The following TG variants were observed in gnomAD, a reference collection of about 807,000 sequenced individuals.
TG encodes the protein thyroglobulin, also known as thyroid hormones.
Under a neutral mutation model 324.7 loss-of-function variants are expected in TG, and 270 were observed. That is an observed-to-expected ratio of 0.83 (90% CI 0.75 to 0.92). The LOEUF (loss-of-function observed/expected upper bound fraction) is 0.92, where lower values mean the gene tolerates loss of function less well. TG is among the 40% of genes least tolerant of loss of function. TG has a pLI of 0.00. For missense variants in TG, 3,591 were observed against 3,456.4 expected (o/e 1.04, Z -0.98); for synonymous variants, 1,401 against 1,327.0 (o/e 1.06, Z -1.21).
intron 41 of TG, among the ~76,000 whole-genome samples, chr8:133,055,445 A>C (rs1054929276): frequency 6.6e-6 from 1 of 151,908 alleles, no homozygotes; most frequent in African/African-American, 2.4e-5. Flanking sequence ...ACAGAGCTGG[A>C]CCATCTAGCC....
chr8:133,088,741 G>C (rs59047695), intron 41 of TG, among the ~76,000 whole-genome samples: 5,502 of 152,248 alleles, frequency 0.036, 339 homozygotes, highest in African/African-American at 0.13. Context: ...TATACCAACA[G>C]GTAGTTTTGA....
intron 35 of TG, among the ~76,000 whole-genome samples, chr8:133,000,745 G>A (rs553337857): frequency 6.6e-6 from 1 of 152,344 alleles, no homozygotes; most frequent in East Asian, 1.9e-4. Flanking sequence ...TCAGTATGAT[G>A]AGCATTTTAT....
intron 11 of TG, 94 bp from the exon 12 acceptor site, chr8:132,897,555 T>C: frequency 6.5e-7 from 1 of 1,544,334 alleles, no homozygotes; most frequent in East Asian, 2.2e-5. Flanking sequence ...AAGGCCTCCT[T>C]ATGTTGGAAC....
At chr8:132,925,621 A>T (rs1403047419) in intron 22 of TG, among the ~76,000 whole-genome samples, 1 of 151,928 alleles carries the variant, frequency 6.6e-6, no homozygotes, top group African/African-American at 2.4e-5. Context: ...TGGGCAGAAA[A>T]AAACAGGGGA....
chr8:132,981,112 G>T (rs755326592), intron 34 of TG, among the ~76,000 whole-genome samples: 3 of 152,184 alleles, frequency 2.0e-5, no homozygotes, highest in South Asian at 2.1e-4. Context: ...AATAAAGAAG[G>T]TCCCACGCAA....
Position 132,908,227 on chromosome 8 carries a change from C to G in TG, c.3889C>G (p.Gln1297Glu). ...GACCATCCAGACCCAAGGGCACTTT[C>G]AGCTCCAGCTCCCGCCGGGCAAGAT... is the stretch of plus-strand genomic sequence containing the variant. ...WQTIQTQGHFQLQLPPGKMCS... is the reference protein window; with the variant it reads ...WQTIQTQGHFELQLPPGKMCS... The change falls in exon 18 of 48, where the codon CAG becomes GAG. Residue 1297 changes from glutamine (Q) to glutamate (E), a missense_variant. Gln to Glu is a conservative substitution (Grantham distance 29). Coordinates refer to ENST00000220616, the MANE Select transcript of TG (RefSeq NM_003235.5). 6.2e-7 allele frequency: 1 copy of G among 1,614,040 alleles called. No individual in the cohort carries two copies. The highest frequency in any genetic ancestry group is 8.5e-7 in the Non-Finnish European group (1 of 1,180,006).
intron 35 of TG, chr8:132,994,812 G>A: frequency 5.4e-6 from 7 of 1,286,698 alleles, no homozygotes; most frequent in Non-Finnish European, 7.1e-6. Flanking sequence ...AAGGTGAGAT[G>A]GGGAAAGAGG....
intron 45 of TG, among the ~76,000 whole-genome samples, chr8:133,121,158 T>C (rs961831844): frequency 9.2e-5 from 14 of 152,174 alleles, no homozygotes; most frequent in African/African-American, 3.1e-4. Context: ...TAGTAGGTGC[T>C]CAGGAAATCA....
intron 25 of TG, among the ~76,000 whole-genome samples, chr8:132,938,292 C>A (rs145050620): frequency 6.6e-6 from 1 of 152,120 alleles, no homozygotes; most frequent in South Asian, 2.1e-4. Context: ...CACCCAATAC[C>A]CTCTGCTGCC....
chr8:133,008,389 T>G (rs1287336017), intron 35 of TG, among the ~76,000 whole-genome samples: 1 of 152,090 alleles, frequency 6.6e-6, no homozygotes, highest in Non-Finnish European at 1.5e-5. Flanking sequence ...CCAAAACAAA[T>G]TCACTTACAG....
intron 31 of TG, among the ~76,000 whole-genome samples, chr8:132,968,601 C>T (rs974705384): frequency 1.3e-5 from 2 of 152,152 alleles, no homozygotes; most frequent in Non-Finnish European, 2.9e-5. Context: ...TCCAGTGACC[C>T]TTATTTTTCC....
chr8:133,078,679 G>A (rs1845271156), intron 41 of TG, among the ~76,000 whole-genome samples: 2 of 152,174 alleles, frequency 1.3e-5, no homozygotes, highest in African/African-American at 2.4e-5. Context: ...TACCCTCAAG[G>A]AGTTCAAAGC....
chr8:132,937,999 G>T (rs1213886952), intron 25 of TG, among the ~76,000 whole-genome samples: 2 of 152,158 alleles, frequency 1.3e-5, no homozygotes, highest in African/African-American at 2.4e-5. Context: ...AGTGGAGGAG[G>T]AGGGGAGGAG....
chr8:132,972,477 AGTGGTGTATCCCAAAT>A, intron 33 of TG, 105 bp from the exon 34 acceptor site: 2 of 1,132,736 alleles, frequency 1.8e-6, no homozygotes, highest in Non-Finnish European at 2.5e-6. Context: ...TCTGAAATAT[AGTGGTGTATCCCAAAT>A]GTCTGCTGAA....
Position 133,134,723 on chromosome 8 carries a change from A to G in TG, c.8236A>G (p.Thr2746Ala), listed in dbSNP as rs1852222306. Reference sequence around the variant, plus strand: ...AGCAGAGAGTGAAGAGGAGGAGTTGACGGCTGGATCTGGGCTAAGAGAAGA... The same window carrying G: ...AGCAGAGAGTGAAGAGGAGGAGTTGGCGGCTGGATCTGGGCTAAGAGAAGA... ...QSAESEEEEL[T>A]AGSGLREDLL... is the part of the protein sequence containing the mutation. The change falls in exon 48 of 48, where the codon ACG (threonine) becomes GCG (alanine). Residue 2746 changes from threonine (T) to alanine (A), a missense_variant. Thr to Ala is a moderately conservative substitution (Grantham distance 58). Transcript: ENST00000220616. The G allele has an allele frequency of 2.5e-6, 4 of 1,614,102 alleles. No homozygotes were observed. The highest frequency in any genetic ancestry group is 2.5e-6 in the Non-Finnish European group (3 of 1,179,998).
At position 132,898,816 on chromosome 8, in the gene TG, A is replaced by C. The variant is rs532678471; in HGVS notation, c.3236A>C (p.Lys1079Thr). 6.2e-7 allele frequency: 1 copy of C among 1,614,138 alleles called. No individual in the cohort carries two copies. The highest frequency in any genetic ancestry group is 2.2e-5 in the East Asian group (1 of 44,874). Residue 1079 changes from lysine (K) to threonine (T), a missense_variant, in exon 14 of 48, where the codon AAA becomes ACA. Lys to Thr is a moderately conservative substitution (Grantham distance 78). Coordinates refer to ENST00000220616, the MANE Select transcript of TG (RefSeq NM_003235.5). ...CCCACAGGCCCGACAACCTGCGAGAAATCTCGAACCAGTGGGCTGCTTTCC... is the reference window on the plus strand; with the variant it reads ...CCCACAGGCCCGACAACCTGCGAGACATCTCGAACCAGTGGGCTGCTTTCC... Reference protein sequence around the residue: ...QIPQCPTTCEKSRTSGLLSSW... With the variant: ...QIPQCPTTCETSRTSGLLSSW...
At chr8:132,889,928 C>T (rs1815989968) in intron 10 of TG, among the ~76,000 whole-genome samples, 1 of 152,046 alleles carries the variant, frequency 6.6e-6, no homozygotes, top group Admixed American at 6.6e-5. Context: ...AGGTGCCTGC[C>T]ACCACACCCA....
chr8:133,010,893 A>G (rs1834448418), intron 35 of TG, among the ~76,000 whole-genome samples: 1 of 152,198 alleles, frequency 6.6e-6, no homozygotes, highest in East Asian at 1.9e-4. Context: ...GAGCAGTTGG[A>G]GGGCACAAGC....
intron 35 of TG, chr8:133,002,090 C>T (rs16904802): frequency 0.34 from 333,807 of 985,144 alleles, 56,852 homozygotes; most frequent in Middle Eastern, 0.36. Flanking sequence ...ATTATTTGAA[C>T]GTTGGAGAGA....
Sources: allele counts gnomAD v4.1 joint callset (sites outside exome capture counted in the v4.1 genomes callset), GRCh38; gene constraint gnomAD v4.1.1; transcripts MANE v1.5; gene names NCBI Gene and HGNC (gene_info 2026-07-23, HGNC 2026-07-21).